Variants in PCDH15 observed in about 807,000 individuals in gnomAD.
PCDH15 encodes protocadherin related 15.
In PCDH15, 129 loss-of-function variants were observed where a neutral mutation model predicts 178.5. The observed-to-expected ratio is 0.72, with a 90% CI of 0.63 to 0.84. The LOEUF (loss-of-function observed/expected upper bound fraction) is 0.84, where lower values mean the gene tolerates loss of function less well. Ranked by LOEUF, PCDH15 falls within the 40% of genes least tolerant of loss-of-function variation. The pLI is 0.00. For synonymous variants in PCDH15, 800 were observed against 732.0 expected (o/e 1.09, Z -1.50); for missense variants, 2,230 against 2,099.9 (o/e 1.06, Z -1.21).
intron 1 of PCDH15, among the ~76,000 whole-genome samples, chr10:55,250,315 T>G (rs1841800043): frequency 6.6e-6 from 1 of 151,776 alleles, no homozygotes; most frequent in Non-Finnish European, 1.5e-5. Context: ...GGATAATTTA[T>G]TTATTATTTT....
chr10:55,499,920 T>C (rs1289768758), intron 2 of PCDH15, among the ~76,000 whole-genome samples: 1 of 151,702 alleles, frequency 6.6e-6, no homozygotes, highest in African/African-American at 2.4e-5. Flanking sequence ...ATCGAAATAA[T>C]TAGGTAATTT....
At chr10:55,068,172 A>AAG (rs1841616871) in intron 2 of PCDH15, among the ~76,000 whole-genome samples, 1 of 151,924 alleles carries the variant, frequency 6.6e-6, no homozygotes, top group Non-Finnish European at 1.5e-5. Flanking sequence ...TAATGTCCTG[A>AAG]AGAGTTTTTC....
At chr10:55,103,111 C>CTTTTTTTTTTT (rs112141976) in intron 2 of PCDH15, among the ~76,000 whole-genome samples, 1 of 125,546 alleles carries the variant, frequency 8.0e-6, no homozygotes, top group Non-Finnish European at 1.8e-5. Context: ...TCTGATTTTT[C>CTTTTTTTTTTT]TTTTTTTTTT....
At chr10:54,856,389 G>A (rs946246847) in intron 3 of PCDH15, among the ~76,000 whole-genome samples, 5 of 152,152 alleles carry the variant, frequency 3.3e-5, no homozygotes, top group African/African-American at 9.7e-5. Flanking sequence ...GCCATCTCTA[G>A]AGAATAGAAT....
At chr10:54,822,775 C>A (rs1274603911) in intron 3 of PCDH15, among the ~76,000 whole-genome samples, 1 of 151,974 alleles carries the variant, frequency 6.6e-6, no homozygotes, top group African/African-American at 2.4e-5. Context: ...CCTTCCTTTA[C>A]ATCATTGCCA....
chr10:54,826,507 T>C (rs1442688901), intron 3 of PCDH15, among the ~76,000 whole-genome samples: 1 of 151,656 alleles, frequency 6.6e-6, no homozygotes, highest in Non-Finnish European at 1.5e-5. Context: ...TGTCATATTG[T>C]GGGGAATACA....
intron 2 of PCDH15, among the ~76,000 whole-genome samples, chr10:55,098,328 G>A (rs1364893590): frequency 2.6e-5 from 4 of 152,042 alleles, no homozygotes; most frequent in Non-Finnish European, 5.9e-5. Flanking sequence ...GTCTGGTTTT[G>A]GTATAGGAGT....
intron 2 of PCDH15, among the ~76,000 whole-genome samples, chr10:54,637,381 C>T (rs2093881325): frequency 2.0e-5 from 3 of 151,864 alleles, no homozygotes; most frequent in Non-Finnish European, 4.4e-5. Context: ...AGCCTAAAAT[C>T]GAGGTGTGGA....
At chr10:54,747,806 A>T (rs1342917031) in intron 1 of PCDH15, among the ~76,000 whole-genome samples, 7 of 135,544 alleles carry the variant, frequency 5.2e-5, no homozygotes, top group East Asian at 2.2e-4. Context: ...CAATGGTTAC[A>T]TTTTTTTTTT....
intron 1 of PCDH15, among the ~76,000 whole-genome samples, chr10:55,302,348 G>T (rs1843308133): frequency 1.3e-5 from 2 of 151,972 alleles, no homozygotes; most frequent in South Asian, 4.2e-4. Context: ...AATTGTAAAT[G>T]GTATTGTGTT....
chr10:53,844,924 C>T (rs2077876430), intron 28 of PCDH15, among the ~76,000 whole-genome samples: 1 of 151,804 alleles, frequency 6.6e-6, no homozygotes, highest in South Asian at 2.1e-4. Flanking sequence ...GCAAATGAAA[C>T]AATTGTCAAA....
chr10:55,175,096 A>G (rs964843990), intron 1 of PCDH15, among the ~76,000 whole-genome samples: 6 of 152,142 alleles, frequency 3.9e-5, no homozygotes, highest in Admixed American at 3.3e-4. Flanking sequence ...CCAATTGGAA[A>G]AACAGCAGTA....
intron 23 of PCDH15, among the ~76,000 whole-genome samples, chr10:53,943,236 C>T (rs1313871553): frequency 6.6e-6 from 1 of 152,010 alleles, no homozygotes; most frequent in East Asian, 1.9e-4. Flanking sequence ...CTCCTGTAAT[C>T]CCAGCACTTT....
At chr10:54,947,379 T>C (rs143923193) in intron 2 of PCDH15, among the ~76,000 whole-genome samples, 1 of 152,090 alleles carries the variant, frequency 6.6e-6, no homozygotes, top group East Asian at 1.9e-4. Context: ...ATATCTGGTT[T>C]ATGCCTGTTC....
intron 26 of PCDH15, among the ~76,000 whole-genome samples, chr10:53,893,535 G>A (rs1264766045): frequency 6.6e-6 from 1 of 152,132 alleles, no homozygotes; most frequent in Admixed American, 6.5e-5. Context: ...CAAAAAATCT[G>A]GAACTAGCCT....
chr10:54,317,335 A>C lies in PCDH15; in HGVS notation c.812T>G (p.Val271Gly). Residue 271 changes from valine (V) to glycine (G), a missense_variant, in exon 8 of 38, where the codon GTG becomes GGG. Val to Gly is a moderately radical substitution (Grantham distance 109). Coordinates refer to ENST00000644397, the MANE Select transcript of PCDH15 (RefSeq NM_001384140.1). ...TGGACGGCAATCACGAGTGTTTGGCACAAGGACACAAGGAAGAAACATTGG... is the reference window on the plus strand; with the variant it reads ...TGGACGGCAATCACGAGTGTTTGGCCCAAGGACACAAGGAAGAAACATTGG... ...LGPMFLPCVLVPNTRDCRPLT... is the reference protein window; with the variant it reads ...LGPMFLPCVLGPNTRDCRPLT... The C allele has an allele frequency of 6.2e-7, 1 of 1,614,042 alleles. No homozygotes were observed. Among genetic ancestry groups the C allele is most frequent in the Non-Finnish European group, 8.5e-7 (1 of 1,179,946 alleles).
chr10:53,895,904 G>A (rs1326640638), intron 26 of PCDH15, among the ~76,000 whole-genome samples: 1 of 152,088 alleles, frequency 6.6e-6, no homozygotes, highest in Non-Finnish European at 1.5e-5. Flanking sequence ...GGGAAGCAAT[G>A]TAAGAGGTTA....
intron 2 of PCDH15, chr10:55,166,531 A>G (rs1437977978): frequency 6.6e-6 from 1 of 152,186 alleles, no homozygotes; most frequent in Admixed American, 6.6e-5. Flanking sequence ...GTTATTCTTC[A>G]AAGGAGAAGG....
At chr10:55,054,518 T>C (rs1371815699) in intron 2 of PCDH15, among the ~76,000 whole-genome samples, 3 of 152,214 alleles carry the variant, frequency 2.0e-5, no homozygotes, top group Admixed American at 6.5e-5. Flanking sequence ...GACTGGATGA[T>C]TTATATTTCT....
Sources: gnomAD v4.1 joint callset for allele counts (sites outside exome capture counted in the v4.1 genomes callset) on GRCh38, gnomAD v4.1.1 for gene constraint, MANE v1.5 for transcripts, NCBI Gene and HGNC (gene_info 2026-07-23, HGNC 2026-07-21) for gene names.